Variants in FBXO25 observed in about 807,000 individuals in gnomAD.
The protein encoded by FBXO25 is F-box protein 25, also known as F-box only protein 25.
A neutral mutation model predicts 51.9 loss-of-function variants in FBXO25; 45 were observed. That is an observed-to-expected ratio of 0.87 (90% confidence interval 0.68 to 1.11). The LOEUF (loss-of-function observed/expected upper bound fraction) is 1.11. Ranked by LOEUF, FBXO25 falls within the 50% of genes most tolerant of loss-of-function variation. The probability of loss-of-function intolerance (pLI) is 0.00; values close to 1 mark genes in which losing one functional copy is unlikely to be tolerated. For missense variants in FBXO25, 507 were observed against 428.5 expected (o/e 1.18, Z -1.62); for synonymous variants, 199 against 151.0 (o/e 1.32, Z -2.33).
In FBXO25 at chr8:467,898, A is replaced by C. The variant is rs1800286600; in HGVS notation, c.988-817A>C. 5 of 1,508,984 alleles carry C rather than the reference A, an allele frequency of 3.3e-6. No homozygotes were observed. The South Asian group carries it at 3.9e-5, about 12-fold the overall frequency. The allele number at this position is 1,508,984 out of a possible 1,614,324, so 93.5% of individuals were successfully genotyped here. On this transcript the variant is annotated intron_variant, in intron 9 of 9. Transcript: ENST00000350302. ...GGACCCTGAGCAGGGCTGAGTGGCC[A>C]CTTTGATCAAACACCTCAGCAAGGA... is the stretch of plus-strand genomic sequence containing the variant.
chr8:443,576 C>G (rs183309294), intron 5 of FBXO25, among the ~76,000 whole-genome samples: 3 of 151,048 alleles, frequency 2.0e-5, no homozygotes, highest in Admixed American at 6.6e-5. Context: ...TGACTTCTCA[C>G]AGACCACTGC....
intron 7 of FBXO25, among the ~76,000 whole-genome samples, chr8:457,288 T>A (rs1046011941): frequency 6.6e-6 from 1 of 152,186 alleles, no homozygotes; most frequent in Non-Finnish European, 1.5e-5. Flanking sequence ...TAGATACAAC[T>A]GAGCCCTGAA....
chr8:437,577 C>G (rs568528313), intron 5 of FBXO25, among the ~76,000 whole-genome samples: 1 of 152,174 alleles, frequency 6.6e-6, no homozygotes, highest in Non-Finnish European at 1.5e-5. Flanking sequence ...TCATGCTTAC[C>G]TTCTGCTAAA....
At position 474,692 on chromosome 8, in the gene FBXO25, C is replaced by A. The variant is rs1237875546; in HGVS notation, c.*5888C>A. 2.2e-6 allele frequency: 1 copy of A among 453,362 alleles called. No homozygotes were observed. The highest frequency in any genetic ancestry group is 4.4e-6 in the Non-Finnish European group (1 of 226,222). The allele number at this position is 453,362 out of a possible 1,614,324, so 28.1% of individuals were successfully genotyped here. A position where few individuals can be genotyped will look rare whatever the true frequency, so the allele number is the denominator to read the frequency against. On this transcript the variant is annotated 3_prime_UTR_variant, in exon 10 of 10. Coordinates refer to ENST00000350302, the MANE Select transcript of FBXO25 (RefSeq NM_183420.2). ...GTCTTTGGAGAAATGTCTATTTGGG[C>A]TCTTTGTCCATTTTTCAATCAGGTG...
chr8:417,185 A>C (rs981687566), intron 2 of FBXO25, among the ~76,000 whole-genome samples: 1 of 152,214 alleles, frequency 6.6e-6, no homozygotes, highest in African/African-American at 2.4e-5. Context: ...CCAGCTGTGA[A>C]GTACCTGTTG....
chr8:424,083 C>A lies in FBXO25; in HGVS notation c.135-7258C>A, dbSNP rs546822570. Reference sequence around the variant, plus strand: ...TCATGTTTGTTGGCCACTTGTATATCTTGTTTGAGAAGTGCCTGTTCATGT... The same window carrying A: ...TCATGTTTGTTGGCCACTTGTATATATTGTTTGAGAAGTGCCTGTTCATGT... On this transcript the variant is annotated intron_variant, in intron 2 of 9. Coordinates refer to ENST00000350302, the MANE Select transcript of FBXO25 (RefSeq NM_183420.2). Among the ~76,000 whole-genome samples, 7 of 146,476 alleles carry A rather than the reference C, an allele frequency of 4.8e-5. No individual in the cohort carries two copies. In the South Asian group the frequency reaches 1.5e-3, roughly 31 times the overall value.
At chr8:458,650 G>C in intron 8 of FBXO25, 99 bp downstream of exon 8, 1 of 1,151,420 alleles carries the variant, frequency 8.7e-7, no homozygotes, top group Non-Finnish European at 1.2e-6. Context: ...GAATGGCTGA[G>C]TATTTTCTAC....
chr8:435,934 C>G (rs1379871128), intron 5 of FBXO25, among the ~76,000 whole-genome samples: 2 of 152,174 alleles, frequency 1.3e-5, no homozygotes, highest in Admixed American at 6.5e-5. Flanking sequence ...GGAGCAAACA[C>G]TCATCTGCCC....
At chr8:452,338 CTGT>C (rs1296472597) in intron 7 of FBXO25, among the ~76,000 whole-genome samples, 1 of 152,160 alleles carries the variant, frequency 6.6e-6, no homozygotes, top group Non-Finnish European at 1.5e-5. Context: ...ATTCTTTGTT[CTGT>C]TGTTGTCTTG....
At chr8:428,699 A>G (rs774354547) in intron 2 of FBXO25, among the ~76,000 whole-genome samples, 1 of 152,104 alleles carries the variant, frequency 6.6e-6, no homozygotes, top group Non-Finnish European at 1.5e-5. Flanking sequence ...CTAACTTTTC[A>G]TTCTCCAGCA....
At chr8:451,194 G>A (rs1393581853) in intron 6 of FBXO25, 75 bp from the exon 7 acceptor site, 1 of 1,288,180 alleles carries the variant, frequency 7.8e-7, no homozygotes, top group Non-Finnish European at 1.1e-6. Flanking sequence ...TGGACATTTG[G>A]GTTATGAAAC....
chr8:447,879 G>C (rs908875692), intron 5 of FBXO25, among the ~76,000 whole-genome samples: 5 of 152,170 alleles, frequency 3.3e-5, no homozygotes, highest in Non-Finnish European at 7.3e-5. Flanking sequence ...TGCTCAACCT[G>C]TACAACCAAG....
chr8:407,631 C>T lies in FBXO25; in HGVS notation c.-8+565C>T, dbSNP rs551850828. Among the ~76,000 whole-genome samples the T allele has an allele frequency of 2.6e-5, 4 of 152,208 alleles. No individual in the cohort carries two copies. In the South Asian group the frequency reaches 6.2e-4, roughly 24 times the overall value. On this transcript the variant is annotated intron_variant, in intron 1 of 9. Transcript: ENST00000350302. ...GGGCAAGGTGTTTCGGGGACGACTCCTGCCGGCGTTTGCCCTCCGGGCTCG... is the reference window on the plus strand; with the variant it reads ...GGGCAAGGTGTTTCGGGGACGACTCTTGCCGGCGTTTGCCCTCCGGGCTCG...
intron 9 of FBXO25, among the ~76,000 whole-genome samples, chr8:467,334 C>A (rs1056551928): frequency 6.6e-6 from 1 of 152,190 alleles, no homozygotes; most frequent in Non-Finnish European, 1.5e-5. Flanking sequence ...GAACAAAGAA[C>A]TTTCCCCAAA....
chr8:472,510 C>A lies in FBXO25; in HGVS notation c.*3706C>A, dbSNP rs1443105463. 2 of 151,910 alleles carry A rather than the reference C, an allele frequency of 1.3e-5. No homozygotes were observed. Among genetic ancestry groups the A allele is most frequent in the Admixed American group, 1.3e-4 (2 of 15,246 alleles). 9.4% of individuals were successfully genotyped at this position (151,910 alleles called of 1,614,324 possible). The stretch of plus-strand genomic sequence containing the variant: ...GGGGATTGGTTCCAAGACCCCCACC[C>A]CCACCCCACCTGCCACCCACCACCT... On this transcript the variant is annotated 3_prime_UTR_variant, in exon 10 of 10. Coordinates refer to ENST00000350302, the MANE Select transcript of FBXO25 (RefSeq NM_183420.2).
At chr8:457,156 G>A (rs1799493786) in intron 7 of FBXO25, among the ~76,000 whole-genome samples, 1 of 152,188 alleles carries the variant, frequency 6.6e-6, no homozygotes, top group Admixed American at 6.5e-5. Context: ...GCACACGACA[G>A]AAGCGCCACC....
chr8:443,074 C>A (rs1464380857), intron 5 of FBXO25, among the ~76,000 whole-genome samples: 1 of 151,692 alleles, frequency 6.6e-6, no homozygotes, highest in East Asian at 1.9e-4. Context: ...AGGAAGTGCT[C>A]CTCAGCTCCG....
At chr8:465,280 TCA>T (rs1002683290) in intron 9 of FBXO25, among the ~76,000 whole-genome samples, 1 of 152,204 alleles carries the variant, frequency 6.6e-6, no homozygotes, top group Admixed American at 6.5e-5. Flanking sequence ...GTGTCTTCAG[TCA>T]CAGAGTAAGA....
intron 2 of FBXO25, among the ~76,000 whole-genome samples, chr8:419,571 A>G (rs986771469): frequency 2.0e-5 from 3 of 152,192 alleles, no homozygotes; most frequent in Non-Finnish European, 4.4e-5. Context: ...AGAAAGTGTA[A>G]TCTTGTCAGC....
Sources: gnomAD v4.1 joint callset for allele counts (sites outside exome capture counted in the v4.1 genomes callset) on GRCh38, gnomAD v4.1.1 for gene constraint, MANE v1.5 for transcripts, NCBI Gene and HGNC (gene_info 2026-07-23, HGNC 2026-07-21) for gene names.